The following TTC39B variants were observed in gnomAD, a reference collection of about 807,000 sequenced individuals.
TTC39B encodes tetratricopeptide repeat domain 39B.
In TTC39B, 92 loss-of-function variants were observed where a neutral mutation model predicts 96.6. The ratio of observed to expected loss-of-function variants is 0.95; its 90% CI spans 0.80 to 1.13. TTC39B has a LOEUF of 1.13. Ranked by LOEUF, TTC39B falls within the 50% of genes most tolerant of loss-of-function variation. The pLI, the probability that TTC39B is intolerant of heterozygous loss-of-function variation, is 0.00. For missense variants in TTC39B, 955 were observed against 809.3 expected (o/e 1.18, Z -2.18); for synonymous variants, 367 against 299.4 (o/e 1.23, Z -2.33).
chr9:15,234,194 C>T (rs1009654303), intron 2 of TTC39B, among the ~76,000 whole-genome samples: 1 of 150,270 alleles, frequency 6.7e-6, no homozygotes, highest in Admixed American at 6.6e-5. Flanking sequence ...CCCCTCCATC[C>T]GGCAGCCACC....
chr9:15,277,359 C>A (rs1823584006), intron 1 of TTC39B, among the ~76,000 whole-genome samples: 2 of 152,188 alleles, frequency 1.3e-5, no homozygotes, highest in South Asian at 4.1e-4. Flanking sequence ...ACCCGGGAGG[C>A]AGCGGTTGCA....
intron 8 of TTC39B, among the ~76,000 whole-genome samples, chr9:15,194,997 C>T (rs1324756156): frequency 6.6e-6 from 1 of 152,168 alleles, no homozygotes; most frequent in African/African-American, 2.4e-5. Flanking sequence ...CATTTGAAAT[C>T]AAAAACTAGA....
chr9:15,177,625 G>T, intron 18 of TTC39B, 72 bp downstream of exon 18: 1 of 984,326 alleles, frequency 1.0e-6, no homozygotes, highest in Non-Finnish European at 1.6e-6. Context: ...AAAGCATTTT[G>T]CATCACTTTC....
chr9:15,220,936 G>A (rs1357608388), intron 3 of TTC39B, among the ~76,000 whole-genome samples: 1 of 152,164 alleles, frequency 6.6e-6, no homozygotes, highest in South Asian at 2.1e-4. Context: ...GTCGAGCCTG[G>A]TTAGTACTTG....
intron 1 of TTC39B, among the ~76,000 whole-genome samples, chr9:15,288,877 T>G (rs1050769256): frequency 1.3e-5 from 2 of 152,192 alleles, no homozygotes; most frequent in Non-Finnish European, 2.9e-5. Flanking sequence ...TGAGCATGCA[T>G]GGCAGCCGAA....
chr9:15,270,524 G>C (rs1823305299), intron 1 of TTC39B, among the ~76,000 whole-genome samples: 2 of 151,052 alleles, frequency 1.3e-5, no homozygotes, highest in South Asian at 4.2e-4. Flanking sequence ...CGACGCAAAG[G>C]ATAACTTGGG....
At chr9:15,239,120 T>A (rs145030862) in intron 2 of TTC39B, among the ~76,000 whole-genome samples, 1 of 151,670 alleles carries the variant, frequency 6.6e-6, no homozygotes. Flanking sequence ...AGATATTTCT[T>A]AAATAAAATA....
At chr9:15,190,617 T>C (rs1818801276) in exon 11 of TTC39B, 2 of 1,614,136 alleles carry the variant, frequency 1.2e-6, no homozygotes, top group African/African-American at 2.7e-5. Flanking sequence ...GCAGACCTCA[T>C]GCTCCTTCCT....
chr9:15,236,744 A>G (rs1045398506), intron 2 of TTC39B, among the ~76,000 whole-genome samples: 1 of 152,208 alleles, frequency 6.6e-6, no homozygotes, highest in African/African-American at 2.4e-5. Flanking sequence ...AATGAAATTA[A>G]GGCAGAAATA....
chr9:15,238,953 T>C (rs1821912219), intron 2 of TTC39B, among the ~76,000 whole-genome samples: 1 of 152,166 alleles, frequency 6.6e-6, no homozygotes, highest in African/African-American at 2.4e-5. Context: ...ACCACTGCAC[T>C]CAGCCCAGGT....
chr9:15,193,101 T>C (rs1352611666), intron 8 of TTC39B, among the ~76,000 whole-genome samples: 1 of 152,208 alleles, frequency 6.6e-6, no homozygotes, highest in Non-Finnish European at 1.5e-5. Flanking sequence ...GGCAAGAAGA[T>C]CTGAATTTCA....
intron 14 of TTC39B, among the ~76,000 whole-genome samples, chr9:15,187,511 G>A (rs1818597400): frequency 6.6e-6 from 1 of 152,204 alleles, no homozygotes; most frequent in African/African-American, 2.4e-5. Context: ...CCAGGCTGGA[G>A]TGCAGTGGTG....
chr9:15,167,834 T>TA (rs896500425), exon 20 of TTC39B: 2 of 152,144 alleles, frequency 1.3e-5, no homozygotes, highest in East Asian at 1.9e-4. Flanking sequence ...CTGTACTTTG[T>TA]AAAAAAGAAT....
rs1818026596 is a variant in TTC39B at position 15,177,823 on chromosome 9, A to C, written c.1724-9T>G. On this transcript the variant is annotated splice_polypyrimidine_tract_variant and intron_variant, in intron 17 of 19. Coordinates refer to ENST00000512701, the Ensembl canonical transcript of TTC39B. ...AGAGAAGCTGTTAAAATCTTAAAAC[A>C]AAAAACATACAAAGAAAACACACAA... The C allele has an allele frequency of 6.5e-7, 1 of 1,534,432 alleles. No homozygotes were observed. The highest frequency in any genetic ancestry group is 1.2e-5 in the South Asian group (1 of 84,590).
At chr9:15,172,159 A>G (rs1298389629) in intron 19 of TTC39B, 50 bp from the exon 20 acceptor site, 1 of 1,274,750 alleles carries the variant, frequency 7.8e-7, no homozygotes, top group African/African-American at 1.5e-5. Context: ...CTTATATACC[A>G]GGTACCACCA....
chr9:15,234,252 G>A (rs1460676865), intron 2 of TTC39B, among the ~76,000 whole-genome samples: 1 of 151,320 alleles, frequency 6.6e-6, no homozygotes, highest in Non-Finnish European at 1.5e-5. Flanking sequence ...ACCCCGTCCG[G>A]GAGGGAGGTG....
At chr9:15,259,026 A>G (rs1822854702) in intron 2 of TTC39B, among the ~76,000 whole-genome samples, 1 of 152,204 alleles carries the variant, frequency 6.6e-6, no homozygotes, top group African/African-American at 2.4e-5. Context: ...ATCTAACAGG[A>G]CAAAAGAAAA....
intron 2 of TTC39B, among the ~76,000 whole-genome samples, chr9:15,260,246 A>G (rs182858317): frequency 1.6e-4 from 24 of 149,634 alleles, no homozygotes; most frequent in African/African-American, 5.4e-4. Context: ...CCTTTCCTTT[A>G]TGCAAGGTCT....
chr9:15,219,043 T>C (rs897785099), intron 3 of TTC39B, among the ~76,000 whole-genome samples: 1 of 152,168 alleles, frequency 6.6e-6, no homozygotes, highest in Non-Finnish European at 1.5e-5. Flanking sequence ...TCACATTACT[T>C]TTACAATGAA....
Sources: allele counts gnomAD v4.1 joint callset (sites outside exome capture counted in the v4.1 genomes callset), GRCh38; gene constraint gnomAD v4.1.1; transcripts MANE v1.5; gene names NCBI Gene and HGNC (gene_info 2026-07-23, HGNC 2026-07-21).